Variants in ATXN2 observed in about 807,000 individuals in gnomAD.
ATXN2 encodes ataxin 2.
In ATXN2, 37 loss-of-function variants were observed where a neutral mutation model predicts 138.6. That is an observed-to-expected ratio of 0.27 (90% CI 0.21 to 0.35). The LOEUF is 0.35. Ranked by LOEUF, ATXN2 falls within the 10% of genes least tolerant of loss-of-function variation. The pLI is 1.00. For synonymous variants in ATXN2, 549 were observed against 543.7 expected (o/e 1.01, Z -0.13); for missense variants, 1,216 against 1,480.3 (o/e 0.82, Z 2.93).
intron 5 of ATXN2, among the ~76,000 whole-genome samples, chr12:111,534,001 T>C (rs1024548295): frequency 1.7e-4 from 26 of 151,756 alleles, no homozygotes; most frequent in African/African-American, 5.8e-4. Context: ...ATCATGCCTA[T>C]GTAAGAGAAA....
chr12:111,478,868 G>A (rs895730883), intron 18 of ATXN2, among the ~76,000 whole-genome samples: 2 of 151,730 alleles, frequency 1.3e-5, no homozygotes, highest in Non-Finnish European at 2.9e-5. Context: ...AATTAGCCAG[G>A]CATGGTGGTG....
intron 5 of ATXN2, among the ~76,000 whole-genome samples, chr12:111,542,541 A>G (rs908403093): frequency 6.6e-6 from 1 of 152,180 alleles, no homozygotes; most frequent in African/African-American, 2.4e-5. Context: ...ACCACAGCTC[A>G]CTGCAGCCTT....
chr12:111,561,609 G>A (rs1882690201), intron 1 of ATXN2, among the ~76,000 whole-genome samples: 1 of 152,088 alleles, frequency 6.6e-6, no homozygotes, highest in South Asian at 2.1e-4. Flanking sequence ...CAAGGCGGGT[G>A]GATCACCTGA....
chr12:111,501,943 G>C (rs1207696716), intron 14 of ATXN2, among the ~76,000 whole-genome samples: 1 of 151,568 alleles, frequency 6.6e-6, no homozygotes, highest in Non-Finnish European at 1.5e-5. Context: ...CCAGACTGGA[G>C]CGCAGTGGTG....
intron 14 of ATXN2, 82 bp from the exon 15 acceptor site, chr12:111,488,862 A>AT (rs1877821160): frequency 1.0e-5 from 12 of 1,151,470 alleles, no homozygotes; most frequent in Non-Finnish European, 1.5e-5. Flanking sequence ...GCTACGTAAT[A>AT]TTAACTATAC....
intron 1 of ATXN2, among the ~76,000 whole-genome samples, chr12:111,576,389 TGCGCCACTGC>T (rs986080927): frequency 4.0e-5 from 6 of 151,774 alleles, no homozygotes; most frequent in Non-Finnish European, 8.8e-5. Context: ...GAGCTAAGAT[TGCGCCACTGC>T]ACGCCACTGT....
At chr12:111,467,573 C>T (rs566640218) in intron 20 of ATXN2, among the ~76,000 whole-genome samples, 1 of 152,210 alleles carries the variant, frequency 6.6e-6, no homozygotes, top group African/African-American at 2.4e-5. Flanking sequence ...CAATTAAATA[C>T]CACCTGTGTA....
At chr12:111,568,122 G>A (rs900640541) in intron 1 of ATXN2, among the ~76,000 whole-genome samples, 11 of 151,866 alleles carry the variant, frequency 7.2e-5, no homozygotes, top group African/African-American at 2.2e-4. Context: ...TTAGCCGGGC[G>A]TGGTGGCACA....
chr12:111,565,432 T>C (rs1222247430), intron 1 of ATXN2, among the ~76,000 whole-genome samples: 6 of 152,216 alleles, frequency 3.9e-5, no homozygotes, highest in African/African-American at 1.4e-4. Flanking sequence ...GTAATCAGAT[T>C]GTATTTTACA....
At chr12:111,491,008 T>C (rs1877993023) in intron 14 of ATXN2, among the ~76,000 whole-genome samples, 2 of 152,012 alleles carry the variant, frequency 1.3e-5, no homozygotes, top group Non-Finnish European at 2.9e-5. Context: ...TCCCAGCACT[T>C]TGGGAGGCCG....
intron 5 of ATXN2, among the ~76,000 whole-genome samples, chr12:111,529,172 G>T (rs1330072313): frequency 6.6e-6 from 1 of 151,822 alleles, no homozygotes; most frequent in Non-Finnish European, 1.5e-5. Flanking sequence ...GTACAATGTT[G>T]TAACCAGGAT....
chr12:111,544,879 G>GC (rs1477490061), intron 5 of ATXN2, among the ~76,000 whole-genome samples: 1 of 152,182 alleles, frequency 6.6e-6, no homozygotes, highest in Non-Finnish European at 1.5e-5. Context: ...ATCCTTTTGG[G>GC]CCCAGTGCGG....
chr12:111,491,042 G>A (rs189150177), intron 14 of ATXN2, among the ~76,000 whole-genome samples: 22 of 152,008 alleles, frequency 1.4e-4, no homozygotes, highest in Admixed American at 1.2e-3. Context: ...ACCTGAGGTC[G>A]GGAGTTCAAG....
At chr12:111,564,275 T>A (rs1009727177) in intron 1 of ATXN2, among the ~76,000 whole-genome samples, 1 of 151,828 alleles carries the variant, frequency 6.6e-6, no homozygotes, top group Non-Finnish European at 1.5e-5. Flanking sequence ...TGATACACAC[T>A]GAGTAAATAC....
At chr12:111,510,775 C>G in intron 11 of ATXN2, 193 bp from the exon 12 acceptor site, 1 of 438,362 alleles carries the variant, frequency 2.3e-6, no homozygotes, top group Admixed American at 4.0e-5. Flanking sequence ...ATATGAAGAA[C>G]AGCAGCAATT....
chr12:111,564,872 G>A (rs1170990018), intron 1 of ATXN2: 1 of 152,170 alleles, frequency 6.6e-6, no homozygotes, highest in Non-Finnish European at 1.5e-5. Flanking sequence ...TTCTGTAAGA[G>A]CTGCAACACT....
chr12:111,510,495 G>C lies in ATXN2; in HGVS notation c.1646C>G (p.Ser549Cys). 6.2e-7 allele frequency: 1 copy of C among 1,614,136 alleles called. No homozygotes were observed. Among genetic ancestry groups the C allele is most frequent in the Non-Finnish European group, 8.5e-7 (1 of 1,180,022 alleles). The stretch of plus-strand genomic sequence containing the variant: ...AGTTGGAATAATACCAGCTTGGGGA[G>C]AAGCAAGAACTGGCCCACTGGGGGT... ...GNTPSGPVLASPQAGIIPTEA... is the reference protein window; with the variant it reads ...GNTPSGPVLACPQAGIIPTEA... The change falls in exon 12 of 25, where the codon TCT becomes TGT. Residue 549 changes from serine to cysteine, a missense_variant. Physicochemically the swap from Ser to Cys is moderately radical, Grantham distance 112. Transcript: ENST00000673436.
chr12:111,487,943 A>G (rs1462649180), intron 15 of ATXN2, among the ~76,000 whole-genome samples: 1 of 152,194 alleles, frequency 6.6e-6, no homozygotes, highest in Non-Finnish European at 1.5e-5. Flanking sequence ...ACCTAAGTCA[A>G]TGGTAGTTAA....
chr12:111,508,667 G>A (rs1338564315), intron 14 of ATXN2, among the ~76,000 whole-genome samples: 1 of 151,770 alleles, frequency 6.6e-6, no homozygotes, highest in Admixed American at 6.6e-5. Flanking sequence ...GGCTGGTCTC[G>A]AACTCCTGAC....
Sources: allele counts gnomAD v4.1 joint callset (sites outside exome capture counted in the v4.1 genomes callset), GRCh38; gene constraint gnomAD v4.1.1; transcripts MANE v1.5; gene names NCBI Gene and HGNC (gene_info 2026-07-23, HGNC 2026-07-21).